Variants in DCC observed in about 807,000 individuals in gnomAD.
The protein encoded by DCC is netrin receptor DCC.
A neutral mutation model predicts 172.5 loss-of-function variants in DCC; 58 were observed. The ratio of observed to expected loss-of-function variants is 0.34; its 90% confidence interval spans 0.27 to 0.42. The LOEUF (loss-of-function observed/expected upper bound fraction) is 0.42, where lower values mean the gene tolerates loss of function less well. Ranked by LOEUF, DCC falls within the 10% of genes least tolerant of loss-of-function variation. The pLI, the probability that DCC is intolerant of heterozygous loss-of-function variation, is 1.00. For missense variants in DCC, 1,740 were observed against 1,791.0 expected (o/e 0.97, Z 0.51); for synonymous variants, 709 against 644.5 (o/e 1.10, Z -1.52).
chr18:52,934,663 C>A (rs2040356248), intron 5 of DCC: 1 of 152,066 alleles, frequency 6.6e-6, no homozygotes, highest in Non-Finnish European at 1.5e-5. Context: ...AAATCCTAAC[C>A]CCCAATGTGA....
At chr18:52,784,042 C>T (rs2037605768) in intron 2 of DCC, among the ~76,000 whole-genome samples, 1 of 152,006 alleles carries the variant, frequency 6.6e-6, no homozygotes, top group African/African-American at 2.4e-5. Flanking sequence ...TTTATTCCAA[C>T]TGCATATTTG....
chr18:52,488,486 C>T (rs1408579574), intron 1 of DCC, among the ~76,000 whole-genome samples: 2 of 152,032 alleles, frequency 1.3e-5, no homozygotes, highest in Non-Finnish European at 2.9e-5. Flanking sequence ...GGATTGAGCA[C>T]TTGCATTAGT....
chr18:53,074,567 A>G (rs2042700566), intron 7 of DCC, among the ~76,000 whole-genome samples: 1 of 152,230 alleles, frequency 6.6e-6, no homozygotes, highest in African/African-American at 2.4e-5. Context: ...AATAAATTGT[A>G]AAATTATTTT....
chr18:53,279,000 A>G (rs1415587098), intron 12 of DCC, among the ~76,000 whole-genome samples: 4 of 152,166 alleles, frequency 2.6e-5, no homozygotes, highest in South Asian at 4.1e-4. Context: ...GACTTCCACA[A>G]TGGTTGAACT....
At chr18:52,442,544 A>G (rs1286875531) in intron 1 of DCC, among the ~76,000 whole-genome samples, 1 of 152,174 alleles carries the variant, frequency 6.6e-6, no homozygotes, top group Non-Finnish European at 1.5e-5. Flanking sequence ...AGGACATACA[A>G]AATGATCAAG....
intron 1 of DCC, among the ~76,000 whole-genome samples, chr18:52,477,601 G>A (rs73955691): frequency 0.045 from 6,832 of 152,162 alleles, 199 homozygotes; most frequent in South Asian, 0.12. Flanking sequence ...TCACACAAGG[G>A]CTGCCAGCCC....
intron 19 of DCC, among the ~76,000 whole-genome samples, 192 bp downstream of exon 19, chr18:53,403,085 C>T (rs1357364047): frequency 2.4e-5 from 2 of 82,380 alleles, no homozygotes; most frequent in East Asian, 7.6e-4. Flanking sequence ...CACACACACA[C>T]ACACACACAC....
chr18:52,556,127 T>TG (rs1321624159), intron 1 of DCC, among the ~76,000 whole-genome samples: 1 of 151,886 alleles, frequency 6.6e-6, no homozygotes, highest in Non-Finnish European at 1.5e-5. Flanking sequence ...ATAATACAGA[T>TG]GTAGCCCCTA....
intron 12 of DCC, among the ~76,000 whole-genome samples, chr18:53,277,334 G>A (rs983122827): frequency 1.3e-5 from 2 of 152,092 alleles, no homozygotes; most frequent in African/African-American, 4.8e-5. Context: ...GTCAGGCATG[G>A]TGGCACACGC....
intron 13 of DCC, among the ~76,000 whole-genome samples, chr18:53,310,587 A>C (rs2057254552): frequency 6.6e-6 from 1 of 152,162 alleles, no homozygotes; most frequent in Non-Finnish European, 1.5e-5. Flanking sequence ...AACCCACGTC[A>C]ACTAAATTTT....
Position 53,319,004 on chromosome 18 carries a change from G to T in DCC, c.2054-3043G>T, listed in dbSNP as rs190709798. Among the ~76,000 whole-genome samples, 25 of 152,218 alleles carry T rather than the reference G, an allele frequency of 1.6e-4. No homozygotes were observed. The East Asian group carries it at 4.2e-3, about 26-fold the overall frequency. On this transcript the variant is annotated intron_variant, in intron 13 of 28. Transcript: ENST00000442544. ...TTGGCAACCCAGAATTTCATATCCA[G>T]CCAAACTAAGTTTCATAAGCAAAGA...
intron 2 of DCC, among the ~76,000 whole-genome samples, chr18:52,892,196 A>C (rs929959660): frequency 1.3e-5 from 2 of 152,112 alleles, no homozygotes; most frequent in Admixed American, 6.6e-5. Context: ...GGATATTACC[A>C]TCAGGAAAGG....
At chr18:52,396,754 T>G (rs913645194) in intron 1 of DCC, among the ~76,000 whole-genome samples, 6 of 152,064 alleles carry the variant, frequency 3.9e-5, no homozygotes, top group Non-Finnish European at 7.4e-5. Context: ...AATCAGTAAG[T>G]TGAACCTAGA....
intron 1 of DCC, among the ~76,000 whole-genome samples, chr18:52,499,558 T>A (rs2030941366): frequency 6.6e-6 from 1 of 152,168 alleles, no homozygotes; most frequent in African/African-American, 2.4e-5. Flanking sequence ...CCATATGCTT[T>A]CTCCCATCAT....
At chr18:52,786,539 T>C (rs1196867501) in intron 2 of DCC, among the ~76,000 whole-genome samples, 2 of 152,132 alleles carry the variant, frequency 1.3e-5, no homozygotes, top group African/African-American at 2.4e-5. Flanking sequence ...TTATTTGGAA[T>C]AAAGTTCAGC....
intron 9 of DCC, among the ~76,000 whole-genome samples, chr18:53,185,094 A>G (rs2055258944): frequency 6.6e-6 from 1 of 152,214 alleles, no homozygotes; most frequent in African/African-American, 2.4e-5. Flanking sequence ...TTGGTAGCAT[A>G]CAAATACATT....
intron 8 of DCC, among the ~76,000 whole-genome samples, chr18:53,161,740 G>A (rs900520844): frequency 1.3e-5 from 2 of 151,940 alleles, no homozygotes; most frequent in African/African-American, 4.8e-5. Flanking sequence ...TCATTATCAG[G>A]CCAAAATCTT....
At chr18:52,520,702 G>A (rs987481322) in intron 1 of DCC, among the ~76,000 whole-genome samples, 13 of 151,574 alleles carry the variant, frequency 8.6e-5, no homozygotes, top group African/African-American at 3.1e-4. Flanking sequence ...ATTATGACAA[G>A]GTTTTTTTTA....
chr18:53,449,759 C>T (rs138110661), intron 22 of DCC, among the ~76,000 whole-genome samples: 66 of 152,190 alleles, frequency 4.3e-4, no homozygotes, highest in African/African-American at 1.4e-3. Context: ...ATATCTTATG[C>T]GCCATAAACT....
Sources: gnomAD v4.1 joint callset for allele counts (sites outside exome capture counted in the v4.1 genomes callset) on GRCh38, gnomAD v4.1.1 for gene constraint, MANE v1.5 for transcripts, NCBI Gene and HGNC (gene_info 2026-07-23, HGNC 2026-07-21) for gene names.